COLEC10: variants seen among roughly 807,000 people sequenced by gnomAD.
COLEC10 encodes collectin-10.
In COLEC10, 22 loss-of-function variants were observed where a neutral mutation model predicts 28.4. That is an observed-to-expected ratio of 0.78 (90% confidence interval 0.55 to 1.11). The LOEUF (loss-of-function observed/expected upper bound fraction) is 1.11. COLEC10 is among the 50% of genes least tolerant of loss of function. The probability of loss-of-function intolerance (pLI) is 0.00; values close to 1 mark genes in which losing one functional copy is unlikely to be tolerated. For synonymous variants in COLEC10, 125 were observed against 116.1 expected, an observed-to-expected ratio of 1.08 and a Z score of -0.49; for missense variants, 361 against 344.1, an observed-to-expected ratio of 1.05 and a Z score of -0.39.
intron 1 of COLEC10, among the ~76,000 whole-genome samples, chr8:119,077,989 A>C (rs1815287594): frequency 6.6e-6 from 1 of 152,178 alleles, no homozygotes; most frequent in Non-Finnish European, 1.5e-5. Flanking sequence ...TCATGGCAGA[A>C]GAGCAAAAGA....
intron 2 of COLEC10, among the ~76,000 whole-genome samples, chr8:119,027,771 A>G (rs1425130131): frequency 2.0e-5 from 3 of 152,022 alleles, no homozygotes; most frequent in Non-Finnish European, 2.9e-5. Context: ...GTGCACTAAC[A>G]CCTTCAGATG....
intron 1 of COLEC10, among the ~76,000 whole-genome samples, chr8:118,995,798 G>A (rs75841324): frequency 0.039 from 5,975 of 152,166 alleles, 182 homozygotes; most frequent in East Asian, 0.16. Context: ...ATCAAATGGT[G>A]CAAAATCCAG....
At chr8:118,999,128 A>G (rs1340161729) in intron 1 of COLEC10, among the ~76,000 whole-genome samples, 1 of 152,202 alleles carries the variant, frequency 6.6e-6, no homozygotes, top group African/African-American at 2.4e-5. Flanking sequence ...TAAAAAGGTC[A>G]CATTTATTTA....
chr8:119,033,370 T>C (rs1209006493), intron 2 of COLEC10, among the ~76,000 whole-genome samples: 4 of 151,840 alleles, frequency 2.6e-5, no homozygotes, highest in African/African-American at 9.7e-5. Context: ...ACCAAAGCAA[T>C]GGCAACAACA....
the COLEC10 span, among the ~76,000 whole-genome samples, chr8:118,957,652 C>G: frequency 6.6e-6 from 1 of 152,186 alleles, no homozygotes; most frequent in Non-Finnish European, 1.5e-5. Flanking sequence ...ATTTGACATA[C>G]ATGCTAACAG....
intron 3 of COLEC10, among the ~76,000 whole-genome samples, chr8:119,096,815 G>A (rs1434860736): frequency 6.6e-6 from 1 of 151,862 alleles, no homozygotes; most frequent in Admixed American, 6.6e-5. Context: ...GAACATATTT[G>A]ACTAAACTAT....
intron 1 of COLEC10, among the ~76,000 whole-genome samples, chr8:119,004,810 C>T (rs1007097790): frequency 6.6e-6 from 1 of 151,888 alleles, no homozygotes; most frequent in South Asian, 2.1e-4. Flanking sequence ...CTTTCAAACT[C>T]AAACCCAGGC....
chr8:118,980,197 A>T, the COLEC10 span, among the ~76,000 whole-genome samples: 1 of 149,930 alleles, frequency 6.7e-6, no homozygotes, highest in Admixed American at 6.7e-5. Flanking sequence ...GTACCATAAA[A>T]CATTCTTTTT....
intron 3 of COLEC10, among the ~76,000 whole-genome samples, chr8:119,100,711 A>G (rs1815809372): frequency 6.6e-6 from 1 of 152,070 alleles, no homozygotes; most frequent in Non-Finnish European, 1.5e-5. Flanking sequence ...CTCTCAGACT[A>G]TGTTATCTCT....
intron 4 of COLEC10, among the ~76,000 whole-genome samples, chr8:119,103,008 AT>A (rs1323938059): frequency 6.6e-6 from 1 of 152,094 alleles, no homozygotes; most frequent in Admixed American, 6.6e-5. Flanking sequence ...AAGGCCATAG[AT>A]TTTTTTCCTT....
chr8:119,008,238 A>C (rs1021629527), intron 1 of COLEC10, among the ~76,000 whole-genome samples: 8 of 150,786 alleles, frequency 5.3e-5, no homozygotes, highest in African/African-American at 2.0e-4. Flanking sequence ...GCTCTAATTA[A>C]TTGTAAGCAG....
intron 2 of COLEC10, among the ~76,000 whole-genome samples, chr8:119,042,747 A>G (rs901454831): frequency 5.3e-5 from 8 of 152,330 alleles, no homozygotes; most frequent in African/African-American, 1.9e-4. Flanking sequence ...CAGTCTCTTC[A>G]TCTATGTAAT....
intron 1 of COLEC10, among the ~76,000 whole-genome samples, chr8:119,088,318 C>T (rs1815523685): frequency 6.6e-6 from 1 of 152,114 alleles, no homozygotes; most frequent in South Asian, 2.1e-4. Context: ...ACAGATATCA[C>T]CTGTGCATTC....
At chr8:119,078,990 T>TACACAC (rs59453751) in intron 1 of COLEC10, among the ~76,000 whole-genome samples, 140 of 143,092 alleles carry the variant, frequency 9.8e-4, no homozygotes, top group Admixed American at 1.6e-3. Flanking sequence ...TGGGAAAACG[T>TACACAC]ACACACACAC....
At chr8:119,071,786 A>G (rs1815130750) in intron 1 of COLEC10, among the ~76,000 whole-genome samples, 1 of 152,182 alleles carries the variant, frequency 6.6e-6, no homozygotes, top group Non-Finnish European at 1.5e-5. Context: ...CTCAATACAT[A>G]TTTTTGATTA....
the COLEC10 span, among the ~76,000 whole-genome samples, chr8:118,975,758 G>T: frequency 6.6e-6 from 1 of 152,054 alleles, no homozygotes; most frequent in African/African-American, 2.4e-5. Flanking sequence ...CAAGGAGAGA[G>T]AAAAGTGAAC....
At chr8:119,063,024 C>G (rs762972371), upstream of COLEC10, 4 of 152,148 alleles carry the variant, frequency 2.6e-5, no homozygotes, top group Non-Finnish European at 4.4e-5. Flanking sequence ...CAAGAAATCC[C>G]TTCTGGAGAT....
At chr8:119,089,463 A>G (rs552068174) in intron 1 of COLEC10, among the ~76,000 whole-genome samples, 16 of 152,340 alleles carry the variant, frequency 1.1e-4, no homozygotes, top group Admixed American at 3.9e-4. Flanking sequence ...CTTCAAACAT[A>G]GAGTTGGATG....
chr8:119,020,604 A>G (rs892270239), intron 2 of COLEC10, among the ~76,000 whole-genome samples: 2 of 152,158 alleles, frequency 1.3e-5, no homozygotes, highest in East Asian at 1.9e-4. Flanking sequence ...GATGTATTCA[A>G]TAAGGATAAG....
Sources: gnomAD v4.1 joint callset for allele counts (sites outside exome capture counted in the v4.1 genomes callset) on GRCh38, gnomAD v4.1.1 for gene constraint, MANE v1.5 for transcripts, NCBI Gene and HGNC (gene_info 2026-07-23, HGNC 2026-07-21) for gene names.